The following VPS37A variants were observed in gnomAD, a reference collection of about 807,000 sequenced individuals.
VPS37A encodes vacuolar protein sorting-associated protein 37A.
A neutral mutation model predicts 49.8 loss-of-function variants in VPS37A; 30 were observed. That is an observed-to-expected ratio of 0.60 (90% CI 0.45 to 0.82). VPS37A has a LOEUF of 0.82. Ranked by LOEUF, VPS37A falls within the 40% of genes least tolerant of loss-of-function variation. The pLI, the probability that VPS37A is intolerant of heterozygous loss-of-function variation, is 0.00. For synonymous variants in VPS37A, 195 were observed against 160.6 expected (o/e 1.21, Z -1.62); for missense variants, 593 against 464.4 (o/e 1.28, Z -2.55).
At chr8:17,284,682 A>C in intron 10 of VPS37A, 66 bp downstream of exon 10, 1 of 1,498,270 alleles carries the variant, frequency 6.7e-7, no homozygotes, top group Non-Finnish European at 8.9e-7. Context: ...AGAGGAGGAG[A>C]AGCACTGGGT....
At chr8:17,299,715 T>G (rs1816974710), downstream of VPS37A, 1 of 1,065,022 alleles carries the variant, frequency 9.4e-7, no homozygotes, top group Non-Finnish European at 1.3e-6. Context: ...AATCAAGAAC[T>G]GGGCACTTTT....
downstream of VPS37A, chr8:17,304,499 G>T: frequency 6.2e-7 from 1 of 1,613,664 alleles, no homozygotes. Context: ...AGCCCATAAT[G>T]AGTATGTTCT....
the VPS37A span, chr8:17,309,278 G>A: frequency 8.5e-6 from 13 of 1,526,594 alleles, no homozygotes; most frequent in Admixed American, 1.7e-5. Flanking sequence ...ATTACTTACC[G>A]GTGATTAAAC....
At chr8:17,321,228 A>G in the VPS37A span, among the ~76,000 whole-genome samples, 1 of 152,326 alleles carries the variant, frequency 6.6e-6, no homozygotes, top group South Asian at 2.1e-4. Flanking sequence ...CTAACCTGGA[A>G]ATGGCCTGTG....
chr8:17,293,507 G>C (rs996393718), intron 11 of VPS37A, among the ~76,000 whole-genome samples: 6 of 152,072 alleles, frequency 3.9e-5, no homozygotes, highest in Non-Finnish European at 7.3e-5. Context: ...TGCTGGCGAG[G>C]AGTTGTGATC....
At chr8:17,317,512 T>C in the VPS37A span, among the ~76,000 whole-genome samples, 4 of 151,920 alleles carry the variant, frequency 2.6e-5, no homozygotes, top group African/African-American at 4.9e-5. Flanking sequence ...TCTTCCAGCT[T>C]TGCCTGGTAC....
At chr8:17,331,817 A>C in the VPS37A span, among the ~76,000 whole-genome samples, 1 of 152,232 alleles carries the variant, frequency 6.6e-6, no homozygotes, top group Non-Finnish European at 1.5e-5. Context: ...ATTACTGAAT[A>C]AAATGAAGAG....
chr8:17,313,458 T>A, the VPS37A span: 1 of 1,138,772 alleles, frequency 8.8e-7, no homozygotes, highest in Non-Finnish European at 1.3e-6. Flanking sequence ...ATTTTACATA[T>A]GATCATGTTT....
chr8:17,296,468 T>C lies in VPS37A; in HGVS notation c.*1482T>C, dbSNP rs963472903. On this transcript the variant is annotated 3_prime_UTR_variant, in exon 12 of 12. Transcript: ENST00000324849. ...TTGGGTATTCAGAAACCTTTCCTTA[T>C]ACTGCACTGGCCACCAGAGCTTAAT... 2 of 152,194 alleles carry C rather than the reference T, an allele frequency of 1.3e-5. No individual in the cohort carries two copies. The highest frequency in any genetic ancestry group is 4.8e-5 in the African/African-American group (2 of 41,464). The allele number at this position is 152,194 out of a possible 1,614,324, so 9.4% of individuals were successfully genotyped here. A position where few individuals can be genotyped will look rare whatever the true frequency, so the allele number is the denominator to read the frequency against.
At chr8:17,257,231 C>G (rs1400697576) in intron 1 of VPS37A, among the ~76,000 whole-genome samples, 2 of 152,186 alleles carry the variant, frequency 1.3e-5, no homozygotes, top group African/African-American at 4.8e-5. Flanking sequence ...GATGAGTTGG[C>G]TGTAAATTAT....
intron 1 of VPS37A, chr8:17,247,701 C>T (rs1811431734): frequency 2.8e-6 from 2 of 702,790 alleles, no homozygotes; most frequent in Middle Eastern, 2.3e-4. Context: ...ACTGATCTTT[C>T]CCTTTGCCCA....
chr8:17,268,397 C>A, intron 3 of VPS37A, 25 bp downstream of exon 3: 1 of 1,492,142 alleles, frequency 6.7e-7, no homozygotes, highest in Non-Finnish European at 9.3e-7. Context: ...TAATTTATTT[C>A]AGGGTAATAT....
At chr8:17,321,363 C>A in the VPS37A span, among the ~76,000 whole-genome samples, 1 of 152,204 alleles carries the variant, frequency 6.6e-6, no homozygotes, top group African/African-American at 2.4e-5. Context: ...GTGGCTCTCA[C>A]CATGTCAGCA....
chr8:17,314,375 T>C, the VPS37A span, among the ~76,000 whole-genome samples: 2 of 152,312 alleles, frequency 1.3e-5, no homozygotes, highest in South Asian at 2.1e-4. Flanking sequence ...ATGAGCTGTG[T>C]AGTCTTGCAC....
Position 17,268,355 on chromosome 8 carries a change from T to G in VPS37A, c.298T>G (p.Ser100Ala), listed in dbSNP as rs761614257. ...GGATAAACAAGGAGTGTATGTTACC[T>G]CTCCATTAGTAAACAATGTATGTAT... ...LMDKQGVYVTSPLVNNFTMHS... is the reference protein window; with the variant it reads ...LMDKQGVYVTAPLVNNFTMHS... Residue 100 changes from serine (S) to alanine (A), a missense_variant, in exon 3 of 12, where the codon TCT (serine) becomes GCT (alanine). By Grantham distance (99) the Ser-to-Ala change is moderately conservative. Coordinates refer to ENST00000324849, the MANE Select transcript of VPS37A (RefSeq NM_152415.3). The G allele has an allele frequency of 3.7e-6, 6 of 1,607,658 alleles. No individual in the cohort carries two copies. The African/African-American group carries it at 8.0e-5, about 21-fold the overall frequency.
At chr8:17,284,335 GAC>G in intron 9 of VPS37A, 136 bp from the exon 10 acceptor site, 1 of 979,670 alleles carries the variant, frequency 1.0e-6, no homozygotes, top group Non-Finnish European at 1.4e-6. Context: ...GGCATTATAA[GAC>G]AGCAGATTTT....
intron 1 of VPS37A, among the ~76,000 whole-genome samples, chr8:17,256,094 C>G (rs1304613635): frequency 6.7e-6 from 1 of 148,738 alleles, no homozygotes; most frequent in Non-Finnish European, 1.5e-5. Flanking sequence ...TTTTTTTTTT[C>G]AAGGTTCTAA....
At chr8:17,290,392 G>C (rs562976628) in intron 11 of VPS37A, among the ~76,000 whole-genome samples, 2 of 152,228 alleles carry the variant, frequency 1.3e-5, no homozygotes, top group East Asian at 3.9e-4. Context: ...TAGCATGAAG[G>C]GGTGTTGAAT....
At chr8:17,273,671 T>A (rs1814230270) in intron 4 of VPS37A, among the ~76,000 whole-genome samples, 1 of 152,096 alleles carries the variant, frequency 6.6e-6, no homozygotes, top group Non-Finnish European at 1.5e-5. Context: ...ATAATTTGTT[T>A]TGCTTTATCA....
Sources: allele counts gnomAD v4.1 joint callset (sites outside exome capture counted in the v4.1 genomes callset), GRCh38; gene constraint gnomAD v4.1.1; transcripts MANE v1.5; gene names NCBI Gene and HGNC (gene_info 2026-07-23, HGNC 2026-07-21).